Variants in TNRC6B observed in about 807,000 individuals in gnomAD.
TNRC6B encodes trinucleotide repeat containing adaptor 6B, also known as trinucleotide repeat-containing gene 6B protein.
In TNRC6B, 52 loss-of-function variants were observed where a neutral mutation model predicts 203.6. The ratio of observed to expected loss-of-function variants is 0.26; its 90% confidence interval spans 0.20 to 0.32. The LOEUF (loss-of-function observed/expected upper bound fraction) is 0.32. Among genes scored for constraint, TNRC6B ranks in the 10% least tolerant of loss-of-function variants. The probability of loss-of-function intolerance (pLI) is 1.00; values close to 1 mark genes in which losing one functional copy is unlikely to be tolerated. For synonymous variants in TNRC6B, 838 were observed against 845.7 expected, an observed-to-expected ratio of 0.99 and a Z score of 0.16; for missense variants, 1,923 against 2,286.2, an observed-to-expected ratio of 0.84 and a Z score of 3.24.
At chr22:40,286,818 GC>G (rs1225021311) in intron 12 of TNRC6B, among the ~76,000 whole-genome samples, 2 of 152,204 alleles carry the variant, frequency 1.3e-5, no homozygotes, top group Non-Finnish European at 2.9e-5. Context: ...TTGTGAGAAA[GC>G]AGGCGTGAGG....
intron 1 of TNRC6B, among the ~76,000 whole-genome samples, chr22:40,097,083 G>A (rs535886397): frequency 3.9e-5 from 6 of 152,312 alleles, no homozygotes; most frequent in African/African-American, 1.2e-4. Flanking sequence ...GAGGTGTCAG[G>A]TGGCATAGCT....
At chr22:40,179,069 T>C (rs1390936661) in intron 1 of TNRC6B, among the ~76,000 whole-genome samples, 1 of 152,244 alleles carries the variant, frequency 6.6e-6, no homozygotes, top group Admixed American at 6.5e-5. Flanking sequence ...TTCGGCCATG[T>C]ATCCACTGCG....
intron 1 of TNRC6B, among the ~76,000 whole-genome samples, chr22:40,184,627 C>T (rs963468636): frequency 2.0e-5 from 3 of 152,168 alleles, no homozygotes; most frequent in Non-Finnish European, 2.9e-5. Flanking sequence ...GGACATTGCA[C>T]GTCAGACCAG....
At chr22:40,293,919 T>G (rs2070902515) in intron 12 of TNRC6B, among the ~76,000 whole-genome samples, 2 of 151,228 alleles carry the variant, frequency 1.3e-5, no homozygotes, top group Non-Finnish European at 2.9e-5. Context: ...GCAGATCTCT[T>G]TATGACCAAA....
intron 1 of TNRC6B, among the ~76,000 whole-genome samples, chr22:40,076,555 G>T (rs1239254590): frequency 2.0e-5 from 3 of 152,058 alleles, no homozygotes; most frequent in Non-Finnish European, 4.4e-5. Context: ...TATTGTTAAA[G>T]ATCCCTATCT....
At chr22:40,094,924 T>C (rs1200522672) in intron 1 of TNRC6B, among the ~76,000 whole-genome samples, 1 of 152,210 alleles carries the variant, frequency 6.6e-6, no homozygotes, top group Non-Finnish European at 1.5e-5. Flanking sequence ...TGCTCTGTTT[T>C]AGTTGGTCTT....
upstream of TNRC6B, among the ~76,000 whole-genome samples, chr22:40,174,167 TTC>T (rs1491518315): frequency 2.4e-3 from 372 of 151,996 alleles, 2 homozygotes; most frequent in African/African-American, 7.8e-3. Context: ...CTTTTTCTTT[TTC>T]TTTTTTTTTT....
intron 1 of TNRC6B, among the ~76,000 whole-genome samples, chr22:40,048,448 G>A (rs2067712693): frequency 6.6e-6 from 1 of 151,834 alleles, no homozygotes; most frequent in Admixed American, 6.6e-5. Context: ...GCCTGACGCA[G>A]GAGAATTGCT....
At chr22:40,311,752 A>C (rs1227516213) in intron 17 of TNRC6B, among the ~76,000 whole-genome samples, 1 of 152,194 alleles carries the variant, frequency 6.6e-6, no homozygotes, top group Non-Finnish European at 1.5e-5. Flanking sequence ...CATGTTGGAC[A>C]GGCTGTTCTC....
intron 3 of TNRC6B, among the ~76,000 whole-genome samples, chr22:40,148,035 A>G (rs1018230890): frequency 6.6e-6 from 1 of 152,218 alleles, no homozygotes; most frequent in African/African-American, 2.4e-5. Context: ...TTTATGGCAT[A>G]TAGGTTATAT....
intron 1 of TNRC6B, among the ~76,000 whole-genome samples, chr22:40,063,670 GTTTTTTTCTTTTTTCTTTTTC>G (rs2067872535): frequency 6.6e-6 from 1 of 151,390 alleles, no homozygotes; most frequent in South Asian, 2.1e-4. Context: ...TTGATGTTAG[GTTTTTTTCTTTTTTCTTTTTC>G]TTTTTTTCTT....
intron 4 of TNRC6B, among the ~76,000 whole-genome samples, chr22:40,263,555 A>T (rs902562511): frequency 6.6e-6 from 1 of 152,208 alleles, no homozygotes; most frequent in African/African-American, 2.4e-5. Flanking sequence ...TTCGGTTTCT[A>T]TGCTTTTTAT....
chr22:40,219,165 C>A (rs552100783), intron 1 of TNRC6B, among the ~76,000 whole-genome samples: 1 of 152,160 alleles, frequency 6.6e-6, no homozygotes, highest in Non-Finnish European at 1.5e-5. Context: ...CCTGGGAGAC[C>A]GGGCTGAGCC....
intron 1 of TNRC6B, among the ~76,000 whole-genome samples, chr22:40,209,052 TTTATTA>T (rs576957314): frequency 5.9e-5 from 9 of 152,256 alleles, no homozygotes; most frequent in African/African-American, 1.7e-4. Flanking sequence ...CCCTGTTCAT[TTTATTA>T]TTATTATTAT....
At chr22:40,303,504 A>T (rs1346665174) in intron 15 of TNRC6B, among the ~76,000 whole-genome samples, 1 of 152,206 alleles carries the variant, frequency 6.6e-6, no homozygotes, top group Non-Finnish European at 1.5e-5. Flanking sequence ...GCTTGTTTCT[A>T]TATTTGTTAA....
chr22:40,269,646 G>T (rs902487707), intron 5 of TNRC6B, among the ~76,000 whole-genome samples: 2 of 152,046 alleles, frequency 1.3e-5, no homozygotes, highest in Admixed American at 6.5e-5. Context: ...ACTTTGGGAG[G>T]CTGAGCCAGG....
intron 1 of TNRC6B, among the ~76,000 whole-genome samples, chr22:40,107,711 G>A (rs1191526354): frequency 1.3e-5 from 2 of 151,826 alleles, no homozygotes; most frequent in African/African-American, 4.8e-5. Flanking sequence ...TTAATCACAG[G>A]AAAAAATTAA....
intron 3 of TNRC6B, among the ~76,000 whole-genome samples, chr22:40,139,617 C>T (rs1214247998): frequency 6.6e-6 from 1 of 152,206 alleles, no homozygotes. Context: ...CAGGCGCGAG[C>T]CACTGTGCCT....
intron 3 of TNRC6B, among the ~76,000 whole-genome samples, chr22:40,258,602 T>C (rs2146489116): frequency 6.6e-6 from 1 of 152,330 alleles, no homozygotes; most frequent in Non-Finnish European, 1.5e-5. Flanking sequence ...TGTTTTTTTC[T>C]TTTTATACTT....
Sources: allele counts gnomAD v4.1 joint callset (sites outside exome capture counted in the v4.1 genomes callset), GRCh38; gene constraint gnomAD v4.1.1; transcripts MANE v1.5; gene names NCBI Gene and HGNC (gene_info 2026-07-23, HGNC 2026-07-21).